The following SP4 variants were observed in gnomAD, a reference collection of about 807,000 sequenced individuals.
SP4 encodes the protein transcription factor Sp4.
In SP4, 19 loss-of-function variants were observed where a neutral mutation model predicts 72.8. The observed-to-expected ratio is 0.26, with a 90% CI of 0.18 to 0.38. The LOEUF (loss-of-function observed/expected upper bound fraction) is 0.38. SP4 is among the 10% of genes least tolerant of loss of function. The probability of loss-of-function intolerance (pLI) is 1.00; values close to 1 mark genes in which losing one functional copy is unlikely to be tolerated. For missense variants in SP4, 1,008 were observed against 926.3 expected, an observed-to-expected ratio of 1.09 and a Z score of -1.14; for synonymous variants, 395 against 333.1, an observed-to-expected ratio of 1.19 and a Z score of -2.02.
intron 3 of SP4, among the ~76,000 whole-genome samples, chr7:21,434,412 A>G (rs1782977780): frequency 6.6e-6 from 1 of 152,188 alleles, no homozygotes; most frequent in Non-Finnish European, 1.5e-5. Flanking sequence ...GAATGTTAGC[A>G]ACAACCTAGG....
intron 3 of SP4, among the ~76,000 whole-genome samples, chr7:21,458,289 T>C (rs1017694854): frequency 6.6e-6 from 1 of 151,966 alleles, no homozygotes; most frequent in South Asian, 2.1e-4. Context: ...GCCTCCTGGG[T>C]TCAAGCAATT....
intron 4 of SP4, among the ~76,000 whole-genome samples, chr7:21,478,887 T>C (rs1422126247): frequency 6.6e-6 from 1 of 152,022 alleles, no homozygotes; most frequent in African/African-American, 2.4e-5. Context: ...CTGACCGGCA[T>C]GGAGAAACCT....
At chr7:21,462,640 T>A (rs1329480399) in intron 3 of SP4, among the ~76,000 whole-genome samples, 3 of 152,210 alleles carry the variant, frequency 2.0e-5, no homozygotes, top group African/African-American at 7.2e-5. Flanking sequence ...TGCATGGAGA[T>A]GGTGTAGAAA....
chr7:21,477,428 T>C lies in SP4; in HGVS notation c.1907+121T>C. Reference sequence around the variant, plus strand: ...ATTACCTTTGTAGCCTAGAAGTTGATATATAATATTAGAAAGGGAATTAAG... The same window carrying C: ...ATTACCTTTGTAGCCTAGAAGTTGACATATAATATTAGAAAGGGAATTAAG... On this transcript the variant is annotated intron_variant, in intron 4 of 5. Transcript: ENST00000222584. 4 of 653,946 alleles carry C rather than the reference T, an allele frequency of 6.1e-6. No individual in the cohort carries two copies. In the South Asian group the frequency reaches 7.5e-5, roughly 12 times the overall value. The allele number at this position is 653,946 out of a possible 1,614,324, so 40.5% of individuals were successfully genotyped here.
chr7:21,469,646 A>C (rs1784270707), intron 3 of SP4, among the ~76,000 whole-genome samples: 1 of 149,598 alleles, frequency 6.7e-6, no homozygotes, highest in Admixed American at 6.7e-5. Context: ...GATCCAAGTG[A>C]TTCTCTTGCC....
At chr7:21,484,102 C>A (rs916762405) in intron 5 of SP4, among the ~76,000 whole-genome samples, 1 of 151,686 alleles carries the variant, frequency 6.6e-6, no homozygotes, top group Non-Finnish European at 1.5e-5. Flanking sequence ...ATTATGAAAT[C>A]TATTAAAAAT....
In SP4 at chr7:21,481,288, A is replaced by G. The variant is rs374803563; in HGVS notation, c.1908-636A>G. 2.6e-5 allele frequency among the ~76,000 whole-genome samples: 4 copies of G among 152,326 alleles called. No homozygotes were observed. In the East Asian group the frequency reaches 7.7e-4, roughly 29 times the overall value. On this transcript the variant is annotated intron_variant, in intron 4 of 5. Coordinates refer to ENST00000222584, the MANE Select transcript of SP4 (RefSeq NM_003112.5). Reference sequence around the variant, plus strand: ...CCTCTGACCGGGAGGTGGGAAGAGTAGGAATCATATTCTTAGCTGCACCAG... The same window carrying G: ...CCTCTGACCGGGAGGTGGGAAGAGTGGGAATCATATTCTTAGCTGCACCAG...
chr7:21,495,874 G>C lies in SP4; in HGVS notation c.2107+13751G>C, dbSNP rs551869268. 6.6e-5 allele frequency among the ~76,000 whole-genome samples: 10 copies of C among 152,196 alleles called. No homozygotes were observed. The East Asian group carries it at 1.5e-3, about 23-fold the overall frequency. ...GTAACCCAAATGTCCTTCAGCTGGT[G>C]AATGGATAAAAATATCCATACATTG... On this transcript the variant is annotated intron_variant, in intron 5 of 5. Transcript: ENST00000222584.
At chr7:21,458,336 GCAACTGCCATCA>G (rs1224729324) in intron 3 of SP4, among the ~76,000 whole-genome samples, 1 of 152,048 alleles carries the variant, frequency 6.6e-6, no homozygotes, top group Non-Finnish European at 1.5e-5. Flanking sequence ...GGGATTACAG[GCAACTGCCATCA>G]TGCCTGGCTA....
At chr7:21,481,482 G>T (rs1784685552) in intron 4 of SP4, among the ~76,000 whole-genome samples, 1 of 152,060 alleles carries the variant, frequency 6.6e-6, no homozygotes, top group South Asian at 2.1e-4. Flanking sequence ...ACTTTAAATG[G>T]TATTTTTTGC....
Position 21,514,327 on chromosome 7 carries a change from A to G in SP4, c.*3058A>G, listed in dbSNP as rs2128418687. 6.5e-6 allele frequency: 1 copy of G among 152,690 alleles called. No homozygotes were observed. The highest frequency in any genetic ancestry group is 6.5e-5 in the Admixed American group (1 of 15,290). 9.5% of individuals were successfully genotyped at this position (152,690 alleles called of 1,614,324 possible). ...ACTGTTTTATTGCAACAATATTTGTATTTAAGTCTCCATTTTAATGCCTTG... is the reference window on the plus strand; with the variant it reads ...ACTGTTTTATTGCAACAATATTTGTGTTTAAGTCTCCATTTTAATGCCTTG... On this transcript the variant is annotated 3_prime_UTR_variant, in exon 6 of 6. Coordinates refer to ENST00000222584, the MANE Select transcript of SP4 (RefSeq NM_003112.5).
At chr7:21,443,158 T>G (rs1167328315) in intron 3 of SP4, among the ~76,000 whole-genome samples, 2 of 152,214 alleles carry the variant, frequency 1.3e-5, no homozygotes, top group Admixed American at 1.3e-4. Flanking sequence ...GTGTATTAAT[T>G]TATAATTCTA....
In SP4 at chr7:21,485,220, A is replaced by G. The variant is rs189391168; in HGVS notation, c.2107+3097A>G. ...AAAGCCTTAACCATTCGTAGCAACA[A>G]CTATGCTTTATTTGATGTCTAACCA... On this transcript the variant is annotated intron_variant, in intron 5 of 5. Transcript: ENST00000222584. Among the ~76,000 whole-genome samples the G allele has an allele frequency of 2.0e-3, 297 of 152,150 alleles. 2 individuals carry two copies. Among genetic ancestry groups the G allele is most frequent in the Admixed American group, 4.4e-3 (68 of 15,286 alleles).
At position 21,502,043 on chromosome 7, in the gene SP4, C is replaced by G. The variant is rs1055633596; in HGVS notation, c.2108-8979C>G. Among the ~76,000 whole-genome samples, 74 of 97,392 alleles carry G rather than the reference C, an allele frequency of 7.6e-4. 10 individuals are homozygous for G. The East Asian group carries it at 0.036, about 48-fold the overall frequency. The allele number at this position is 97,392 out of a possible 152,430, so 63.9% of individuals were successfully genotyped here. On this transcript the variant is annotated intron_variant, in intron 5 of 5. Coordinates refer to ENST00000222584, the MANE Select transcript of SP4 (RefSeq NM_003112.5). ...TCGGGCCTTAAATTCATTAGGCACC[C>G]CCCCCCCCCCGGAACTCCTATAGAG...
intron 5 of SP4, among the ~76,000 whole-genome samples, chr7:21,494,886 C>G (rs1432600033): frequency 2.0e-5 from 3 of 152,132 alleles, no homozygotes; most frequent in Non-Finnish European, 2.9e-5. Flanking sequence ...TAAAGCTACA[C>G]TAATCAACAC....
chr7:21,464,347 C>T (rs931233665), intron 3 of SP4, among the ~76,000 whole-genome samples: 6 of 152,022 alleles, frequency 3.9e-5, no homozygotes, highest in Non-Finnish European at 5.9e-5. Flanking sequence ...CCGCCCACCT[C>T]GGCCTCCCAA....
chr7:21,503,552 A>G (rs184294299), intron 5 of SP4, among the ~76,000 whole-genome samples: 2 of 152,354 alleles, frequency 1.3e-5, no homozygotes, highest in Admixed American at 1.3e-4. Flanking sequence ...CCCTTGAGGT[A>G]AAGTGGCTTC....
chr7:21,433,219 C>T (rs1037481500), intron 3 of SP4, among the ~76,000 whole-genome samples: 25 of 152,148 alleles, frequency 1.6e-4, no homozygotes, highest in African/African-American at 5.3e-4. Flanking sequence ...CCTTCATTTT[C>T]AGGGATAATT....
At chr7:21,469,314 A>G (rs1349020089) in intron 3 of SP4, among the ~76,000 whole-genome samples, 2 of 152,182 alleles carry the variant, frequency 1.3e-5, no homozygotes, top group Admixed American at 1.3e-4. Flanking sequence ...CAGAACTTAG[A>G]TCATCACATC....
Sources: allele counts gnomAD v4.1 joint callset (sites outside exome capture counted in the v4.1 genomes callset), GRCh38; gene constraint gnomAD v4.1.1; transcripts MANE v1.5; gene names NCBI Gene and HGNC (gene_info 2026-07-23, HGNC 2026-07-21).